Variants in ZNF407 observed in about 807,000 individuals in gnomAD.
ZNF407 encodes zinc finger protein 407.
In ZNF407, 17 loss-of-function variants were observed where a neutral mutation model predicts 131.2. The observed-to-expected ratio is 0.13, with a 90% CI of 0.09 to 0.19. ZNF407 has a LOEUF of 0.19. Ranked by LOEUF, ZNF407 falls within the 10% of genes least tolerant of loss-of-function variation. The probability of loss-of-function intolerance (pLI) is 1.00; values close to 1 mark genes in which losing one functional copy is unlikely to be tolerated. For synonymous variants in ZNF407, 1,156 were observed against 1,062.0 expected, an observed-to-expected ratio of 1.09 and a Z score of -1.72; for missense variants, 2,681 against 2,830.6, an observed-to-expected ratio of 0.95 and a Z score of 1.20.
At position 74,631,227 on chromosome 18, in the gene ZNF407, A is replaced by G; in HGVS notation, c.208A>G (p.Lys70Glu). ...TGTTGTTATAGGAGAAGACAGAAAT[A>G]AACATGCTTCCAAACGCAGGAAATT... is the stretch of plus-strand genomic sequence containing the variant. ...DSVVIGEDRN[K>E]HASKRRKLDE... Residue 70 changes from lysine to glutamate, a missense_variant, in exon 2 of 9, where the codon AAA becomes GAA. Lys to Glu is a moderately conservative substitution (Grantham distance 56, BLOSUM62 1). This residue lies in a region of ZNF407 where 1,789 missense variants were observed against 1,748.7 expected (regional missense o/e 1.02). Coordinates refer to ENST00000299687, the MANE Select transcript of ZNF407 (RefSeq NM_017757.3). The G allele has an allele frequency of 6.2e-7, 1 of 1,614,004 alleles. No individual in the cohort carries two copies. Among genetic ancestry groups the G allele is most frequent in the Non-Finnish European group, 8.5e-7 (1 of 1,179,884 alleles).
intron 8 of ZNF407, among the ~76,000 whole-genome samples, chr18:74,996,934 C>T (rs1338241304): frequency 1.3e-5 from 2 of 152,118 alleles, no homozygotes; most frequent in Non-Finnish European, 2.9e-5. Context: ...AGTGTTTTTC[C>T]ATTACCTTTG....
At chr18:74,924,426 T>G (rs1971886250) in intron 8 of ZNF407, among the ~76,000 whole-genome samples, 2 of 152,212 alleles carry the variant, frequency 1.3e-5, no homozygotes, top group Admixed American at 6.5e-5. Context: ...CACATTAATC[T>G]TCACAAAATT....
At chr18:74,723,026 T>A (rs1423507437) in intron 3 of ZNF407, among the ~76,000 whole-genome samples, 2 of 152,180 alleles carry the variant, frequency 1.3e-5, no homozygotes, top group African/African-American at 4.8e-5. Context: ...CTCCGTCTGT[T>A]CTTCATATTG....
At chr18:74,756,113 C>G (rs1171130984) in intron 3 of ZNF407, among the ~76,000 whole-genome samples, 3 of 151,444 alleles carry the variant, frequency 2.0e-5, no homozygotes, top group Non-Finnish European at 4.4e-5. Flanking sequence ...AGGATGGTCT[C>G]GAACTCCTGA....
At chr18:75,015,335 ACAC>A (rs1280306408) in intron 8 of ZNF407, among the ~76,000 whole-genome samples, 4 of 151,658 alleles carry the variant, frequency 2.6e-5, no homozygotes, top group Non-Finnish European at 5.9e-5. Context: ...TTGAAATTTA[ACAC>A]TCATATACCA....
intron 7 of ZNF407, among the ~76,000 whole-genome samples, chr18:74,907,939 A>G (rs543024098): frequency 1.3e-5 from 2 of 152,066 alleles, no homozygotes; most frequent in African/African-American, 4.8e-5. Context: ...TGTCACCTTA[A>G]GTTTTAATTC....
chr18:74,998,604 T>C (rs917114672), intron 8 of ZNF407, among the ~76,000 whole-genome samples: 2 of 151,004 alleles, frequency 1.3e-5, no homozygotes, highest in Admixed American at 1.3e-4. Context: ...GAAATGCTCA[T>C]CATCACTGGC....
chr18:74,663,343 G>A (rs970737952), intron 3 of ZNF407, among the ~76,000 whole-genome samples: 1 of 152,124 alleles, frequency 6.6e-6, no homozygotes, highest in Admixed American at 6.5e-5. Flanking sequence ...TATTATCAAT[G>A]TCTGGGATAA....
At chr18:74,598,637 A>T (rs988828661) in intron 1 of ZNF407, 2 of 152,286 alleles carry the variant, frequency 1.3e-5, no homozygotes, top group African/African-American at 4.8e-5. Flanking sequence ...GGCCGAAAGC[A>T]CCGCGGTGGC....
intron 4 of ZNF407, among the ~76,000 whole-genome samples, chr18:74,823,179 C>G (rs750772897): frequency 4.6e-5 from 7 of 152,058 alleles, no homozygotes; most frequent in Non-Finnish European, 8.8e-5. Flanking sequence ...TTTGTCACCA[C>G]CAGGGCTGCC....
chr18:74,946,922 G>A (rs1361158186), intron 8 of ZNF407, among the ~76,000 whole-genome samples: 2 of 152,172 alleles, frequency 1.3e-5, no homozygotes, highest in African/African-American at 4.8e-5. Context: ...TGAACTGATA[G>A]ACTTTCTGGT....
At chr18:74,948,202 T>C (rs1972175207) in intron 8 of ZNF407, among the ~76,000 whole-genome samples, 1 of 152,228 alleles carries the variant, frequency 6.6e-6, no homozygotes, top group African/African-American at 2.4e-5. Context: ...TTCATCATCC[T>C]TTGTACAGCG....
intron 6 of ZNF407, among the ~76,000 whole-genome samples, chr18:74,889,258 TA>T: frequency 6.8e-6 from 1 of 146,242 alleles, no homozygotes; most frequent in Non-Finnish European, 1.5e-5. Flanking sequence ...TCCCTGCCAT[TA>T]AGCACTGCGT....
chr18:74,599,551 A>G (rs1982486853), intron 1 of ZNF407, among the ~76,000 whole-genome samples: 1 of 152,170 alleles, frequency 6.6e-6, no homozygotes, highest in Non-Finnish European at 1.5e-5. Flanking sequence ...TCTGCTTACT[A>G]AAATAGAGAT....
intron 4 of ZNF407, chr18:74,804,434 C>A: frequency 9.1e-6 from 9 of 993,122 alleles, no homozygotes; most frequent in African/African-American, 1.7e-5. Flanking sequence ...CTAATTAACA[C>A]ATGACTTCAG....
chr18:74,940,327 A>G (rs1972082853), intron 8 of ZNF407, among the ~76,000 whole-genome samples: 1 of 152,102 alleles, frequency 6.6e-6, no homozygotes, highest in African/African-American at 2.4e-5. Flanking sequence ...GGGCATGGAA[A>G]CGCCTGCCCC....
At chr18:74,894,709 C>T (rs1168022340) in intron 7 of ZNF407, among the ~76,000 whole-genome samples, 1 of 152,070 alleles carries the variant, frequency 6.6e-6, no homozygotes, top group Non-Finnish European at 1.5e-5. Flanking sequence ...TGAAAAGTAA[C>T]ACAGAAATAC....
At chr18:74,927,980 C>A (rs780998930) in intron 8 of ZNF407, among the ~76,000 whole-genome samples, 11 of 151,954 alleles carry the variant, frequency 7.2e-5, no homozygotes, top group South Asian at 2.1e-4. Context: ...TTGTATGTTA[C>A]CTATGTTGAA....
chr18:74,787,469 A>G (rs1001980993), intron 4 of ZNF407, among the ~76,000 whole-genome samples: 2 of 152,226 alleles, frequency 1.3e-5, no homozygotes, highest in Non-Finnish European at 2.9e-5. Context: ...AAAAGTCAGC[A>G]TCTGTGCTGC....
Sources: allele counts gnomAD v4.1 joint callset (sites outside exome capture counted in the v4.1 genomes callset), GRCh38; gene constraint gnomAD v4.1.1; regional missense constraint gnomAD v4.1.1; transcripts MANE v1.5; gene names NCBI Gene and HGNC (gene_info 2026-07-23, HGNC 2026-07-21).